The following SGK1 variants were observed in gnomAD, a reference collection of about 807,000 sequenced individuals.
SGK1 encodes serum/glucocorticoid regulated kinase 1.
SGK1 carries 26 observed loss-of-function variants against 64.2 expected under a neutral mutation model. That is an observed-to-expected ratio of 0.40 (90% CI 0.30 to 0.56). The LOEUF (loss-of-function observed/expected upper bound fraction) is 0.56. SGK1 is among the 20% of genes least tolerant of loss of function. The pLI, the probability that SGK1 is intolerant of heterozygous loss-of-function variation, is 0.38. For missense variants in SGK1, 519 were observed against 645.6 expected (o/e 0.80, Z 2.12); for synonymous variants, 265 against 239.7 (o/e 1.11, Z -0.98).
chr6:134,174,916 G>GGCCTGCGCGACAGT, intron 3 of SGK1: 1 of 1,549,078 alleles, frequency 6.5e-7, no homozygotes, highest in Non-Finnish European at 8.7e-7. Context: ...GCGGGGGCGG[G>GGCCTGCGCGACAGT]GCCTGCGCGA....
chr6:134,247,215 C>A (rs1776538097), intron 2 of SGK1, among the ~76,000 whole-genome samples: 1 of 152,082 alleles, frequency 6.6e-6, no homozygotes, highest in African/African-American at 2.4e-5. Context: ...TTTCAGAATA[C>A]TTTGGTAAAG....
chr6:134,264,118 T>C (rs2114750996), intron 1 of SGK1, among the ~76,000 whole-genome samples: 2 of 144,960 alleles, frequency 1.4e-5, no homozygotes, highest in South Asian at 4.2e-4. Flanking sequence ...TTTTCTTTTC[T>C]TTCTTTTTTT....
intron 2 of SGK1, among the ~76,000 whole-genome samples, chr6:134,222,020 C>A (rs1003170766): frequency 3.9e-5 from 6 of 152,162 alleles, no homozygotes; most frequent in African/African-American, 1.2e-4. Context: ...TCCCACTGTA[C>A]TTGAGCTACT....
At chr6:134,286,560 G>A (rs112921336) in intron 1 of SGK1, among the ~76,000 whole-genome samples, 9,222 of 149,562 alleles carry the variant, frequency 0.062, 403 homozygotes, top group Non-Finnish European at 0.089. Context: ...TCCGCCTCCC[G>A]GGTTCAAGCC....
intron 3 of SGK1, among the ~76,000 whole-genome samples, chr6:134,183,271 G>A (rs1356954538): frequency 1.4e-5 from 2 of 144,670 alleles, no homozygotes; most frequent in Non-Finnish European, 3.1e-5. Flanking sequence ...TGGGATATCC[G>A]TCATCTCAAA....
At chr6:134,261,100 T>C (rs998109817) in intron 2 of SGK1, 6 of 152,214 alleles carry the variant, frequency 3.9e-5, no homozygotes, top group Admixed American at 3.9e-4. Flanking sequence ...TCTGGTTTTC[T>C]TGGATTAACA....
chr6:134,242,689 T>C (rs980925754), intron 2 of SGK1, among the ~76,000 whole-genome samples: 1 of 151,986 alleles, frequency 6.6e-6, no homozygotes, highest in Non-Finnish European at 1.5e-5. Flanking sequence ...GGTCTCGAAC[T>C]CCTGGCCTCA....
At position 134,311,795 on chromosome 6, in the gene SGK1, C is replaced by T. The variant is rs568873819; in HGVS notation, c.69+5597G>A. ...GAACTCAAACAGCTTAGATTTTAGC[C>T]ATTCCGAAGAAAGCACAGTAGCAGC... On this transcript the variant is annotated intron_variant, in intron 1 of 13. Coordinates refer to ENST00000367858, the MANE Select transcript of SGK1 (RefSeq NM_001143676.3). Among the ~76,000 whole-genome samples the T allele has an allele frequency of 1.2e-3, 187 of 152,298 alleles. 1 individual carries two copies. The highest frequency in any genetic ancestry group is 1.7e-3 in the Non-Finnish European group (117 of 68,022).
At chr6:134,254,680 C>T (rs984072460) in intron 2 of SGK1, among the ~76,000 whole-genome samples, 2 of 152,198 alleles carry the variant, frequency 1.3e-5, no homozygotes, top group African/African-American at 4.8e-5. Flanking sequence ...GATATACATA[C>T]TTCCACGTCT....
intron 1 of SGK1, among the ~76,000 whole-genome samples, chr6:134,313,422 T>A (rs923000139): frequency 2.0e-5 from 3 of 152,254 alleles, no homozygotes; most frequent in Non-Finnish European, 2.9e-5. Context: ...CTTGTCAAAG[T>A]TGGTAGTCAC....
intron 1 of SGK1, among the ~76,000 whole-genome samples, chr6:134,299,341 G>A (rs959237310): frequency 1.3e-5 from 2 of 152,042 alleles, no homozygotes; most frequent in South Asian, 2.1e-4. Flanking sequence ...TTCTAGTCTC[G>A]GCAGCAGAGC....
At chr6:134,210,172 G>A (rs1449335903) in intron 2 of SGK1, among the ~76,000 whole-genome samples, 2 of 152,130 alleles carry the variant, frequency 1.3e-5, no homozygotes, top group East Asian at 1.9e-4. Flanking sequence ...GTCTACTGAC[G>A]GATAAATTGA....
intron 9 of SGK1, 151 bp from the exon 10 acceptor site, chr6:134,172,467 T>C (rs954840816): frequency 1.2e-6 from 1 of 834,408 alleles, no homozygotes; most frequent in African/African-American, 1.7e-5. Context: ...TCTGCTCATC[T>C]ATTCTGGATT....
At chr6:134,315,874 TA>T (rs931461738) in intron 1 of SGK1, among the ~76,000 whole-genome samples, 11 of 151,870 alleles carry the variant, frequency 7.2e-5, no homozygotes, top group African/African-American at 2.2e-4. Context: ...ACCCCGTCTC[TA>T]AAAAAAAGAA....
At chr6:134,212,344 C>T (rs1021047846) in intron 2 of SGK1, among the ~76,000 whole-genome samples, 2 of 152,100 alleles carry the variant, frequency 1.3e-5, no homozygotes, top group Non-Finnish European at 2.9e-5. Context: ...TGAGCCACCG[C>T]GCCCGGTGAT....
At chr6:134,171,814 T>G in intron 10 of SGK1, 82 bp from the exon 11 acceptor site, 2 of 903,960 alleles carry the variant, frequency 2.2e-6, no homozygotes, top group South Asian at 2.9e-5. Flanking sequence ...TTGAAAAAGC[T>G]GAGAGACCCA....
intron 1 of SGK1, among the ~76,000 whole-genome samples, chr6:134,311,519 T>C (rs1480093983): frequency 6.6e-6 from 1 of 151,572 alleles, no homozygotes; most frequent in African/African-American, 2.4e-5. Flanking sequence ...TGCATGGTGG[T>C]GCACACCTGT....
intron 2 of SGK1, among the ~76,000 whole-genome samples, chr6:134,248,484 CT>C (rs1776559102): frequency 6.9e-6 from 1 of 144,802 alleles, no homozygotes; most frequent in Non-Finnish European, 1.5e-5. Context: ...TGGAGAGTCC[CT>C]CTGTCGCCCA....
At chr6:134,217,784 A>G (rs1048161450) in intron 2 of SGK1, among the ~76,000 whole-genome samples, 2 of 152,138 alleles carry the variant, frequency 1.3e-5, no homozygotes, top group Non-Finnish European at 2.9e-5. Flanking sequence ...TTTATATAAC[A>G]TGAGGCCTAG....
Sources: gnomAD v4.1 joint callset for allele counts (sites outside exome capture counted in the v4.1 genomes callset) on GRCh38, gnomAD v4.1.1 for gene constraint, MANE v1.5 for transcripts, NCBI Gene and HGNC (gene_info 2026-07-23, HGNC 2026-07-21) for gene names.